Variants in ESRRG observed in about 807,000 individuals in gnomAD.
The protein encoded by ESRRG is estrogen related receptor gamma.
ESRRG carries 13 observed loss-of-function variants against 44.0 expected under a neutral mutation model. The observed-to-expected ratio is 0.30, with a 90% CI of 0.19 to 0.47. ESRRG has a LOEUF of 0.47. Ranked by LOEUF, ESRRG falls within the 20% of genes least tolerant of loss-of-function variation. The pLI is 1.00. For synonymous variants in ESRRG, 215 were observed against 214.6 expected, an observed-to-expected ratio of 1.00 and a Z score of -0.02; for missense variants, 395 against 580.6, an observed-to-expected ratio of 0.68 and a Z score of 3.29.
At chr1:217,098,464 G>A (rs561541174) in intron 1 of ESRRG, among the ~76,000 whole-genome samples, 3 of 152,158 alleles carry the variant, frequency 2.0e-5, no homozygotes, top group African/African-American at 4.8e-5. Flanking sequence ...GGGACAAAGT[G>A]GCACATTCCA....
At chr1:216,741,429 C>A (rs797019575) in intron 2 of ESRRG, among the ~76,000 whole-genome samples, 2 of 150,294 alleles carry the variant, frequency 1.3e-5, no homozygotes, top group East Asian at 1.9e-4. Context: ...CACTCCCCCC[C>A]GCCCCTGCAC....
intron 1 of ESRRG, among the ~76,000 whole-genome samples, chr1:217,018,776 C>A (rs1051776089): frequency 6.6e-6 from 1 of 152,110 alleles, no homozygotes; most frequent in Non-Finnish European, 1.5e-5. Context: ...TGAAGTCCAC[C>A]CTGTCCTTTC....
chr1:216,553,300 G>T (rs1228545463), intron 5 of ESRRG, among the ~76,000 whole-genome samples: 1 of 152,140 alleles, frequency 6.6e-6, no homozygotes, highest in Non-Finnish European at 1.5e-5. Flanking sequence ...AAGCAGGTGT[G>T]AAGCCTCCCT....
At chr1:216,634,861 G>C (rs2064979443) in intron 3 of ESRRG, among the ~76,000 whole-genome samples, 1 of 152,146 alleles carries the variant, frequency 6.6e-6, no homozygotes, top group Non-Finnish European at 1.5e-5. Context: ...TATACATACA[G>C]AAAAAGAACA....
chr1:216,833,309 G>T (rs930006173), intron 2 of ESRRG, among the ~76,000 whole-genome samples: 3 of 152,170 alleles, frequency 2.0e-5, no homozygotes, highest in Non-Finnish European at 4.4e-5. Context: ...TAGAAATAAC[G>T]TGTAAGGTGA....
chr1:217,007,358 T>C (rs1420616093), intron 1 of ESRRG, among the ~76,000 whole-genome samples: 3 of 149,054 alleles, frequency 2.0e-5, no homozygotes, highest in Non-Finnish European at 4.4e-5. Context: ...TATTGCTAAC[T>C]CAACAATTTT....
intron 1 of ESRRG, among the ~76,000 whole-genome samples, chr1:217,063,294 C>T (rs2088940527): frequency 1.3e-5 from 2 of 152,224 alleles, no homozygotes; most frequent in Admixed American, 6.5e-5. Context: ...CTATCTCCTA[C>T]TGTGAAGTAA....
At chr1:216,792,472 C>T (rs1386250388) in intron 2 of ESRRG, among the ~76,000 whole-genome samples, 3 of 152,082 alleles carry the variant, frequency 2.0e-5, no homozygotes, top group South Asian at 4.1e-4. Context: ...TCAACGATTG[C>T]TTCAAAAACA....
intron 1 of ESRRG, among the ~76,000 whole-genome samples, chr1:216,695,136 G>A (rs1394631649): frequency 1.3e-5 from 2 of 152,022 alleles, no homozygotes; most frequent in Non-Finnish European, 2.9e-5. Context: ...TGCACTCCTA[G>A]TATTCTACAA....
intron 5 of ESRRG, among the ~76,000 whole-genome samples, chr1:216,538,873 A>G (rs2149237292): frequency 6.6e-6 from 1 of 152,212 alleles, no homozygotes; most frequent in African/African-American, 2.4e-5. Flanking sequence ...AAATGATTTT[A>G]GAAGTTATCT....
intron 5 of ESRRG, among the ~76,000 whole-genome samples, chr1:216,532,072 G>T (rs2049533614): frequency 6.6e-6 from 1 of 151,938 alleles, no homozygotes; most frequent in Non-Finnish European, 1.5e-5. Flanking sequence ...CATTACCTCT[G>T]GAGGCAGAGA....
chr1:216,996,688 CT>C (rs757463388), intron 1 of ESRRG, among the ~76,000 whole-genome samples: 25 of 152,166 alleles, frequency 1.6e-4, no homozygotes, highest in Admixed American at 6.5e-4. Context: ...GAGTCCTCCC[CT>C]AATCCTGTCA....
intron 1 of ESRRG, among the ~76,000 whole-genome samples, chr1:217,032,126 T>A (rs571135514): frequency 6.6e-6 from 1 of 152,320 alleles, no homozygotes; most frequent in African/African-American, 2.4e-5. Context: ...TGGTACTATG[T>A]TATATAAAGA....
chr1:216,548,455 G>T lies in ESRRG; in HGVS notation c.862+15764C>A, dbSNP rs2055240090. Among the ~76,000 whole-genome samples the T allele has an allele frequency of 1.3e-5, 2 of 152,154 alleles. 1 individual carries two copies. Among genetic ancestry groups the T allele is most frequent in the African/African-American group, 4.8e-5 (2 of 41,530 alleles). ...TCGATGAATGATGTCCTTCAGTTCT[G>T]CTAACAGATGAGGCAGAGGTCTTGA... On this transcript the variant is annotated intron_variant, in intron 5 of 6. Coordinates refer to ENST00000408911, the MANE Select transcript of ESRRG (RefSeq NM_001438.4).
At chr1:216,654,383 T>C (rs566329254) in intron 2 of ESRRG, among the ~76,000 whole-genome samples, 5 of 152,000 alleles carry the variant, frequency 3.3e-5, no homozygotes, top group Non-Finnish European at 2.9e-5. Context: ...TCCAGCACTT[T>C]GGGAGGCCAA....
At chr1:217,054,920 C>G (rs1282787954) in intron 1 of ESRRG, among the ~76,000 whole-genome samples, 2 of 152,124 alleles carry the variant, frequency 1.3e-5, no homozygotes, top group Admixed American at 6.6e-5. Context: ...TCACTGCAGA[C>G]TCTGGTTGTG....
intron 2 of ESRRG, among the ~76,000 whole-genome samples, chr1:216,788,881 A>G (rs1300139102): frequency 2.0e-5 from 3 of 152,144 alleles, no homozygotes; most frequent in Non-Finnish European, 4.4e-5. Flanking sequence ...TCAAGACTTC[A>G]GTGGAGGGAG....
intron 1 of ESRRG, among the ~76,000 whole-genome samples, chr1:217,053,377 C>A (rs1039849259): frequency 4.0e-5 from 6 of 151,862 alleles, no homozygotes; most frequent in Admixed American, 3.3e-4. Flanking sequence ...ATCGCTTGAA[C>A]CTAGGAGATA....
intron 3 of ESRRG, among the ~76,000 whole-genome samples, chr1:216,570,650 G>A (rs760919221): frequency 2.6e-5 from 4 of 151,972 alleles, no homozygotes; most frequent in Admixed American, 6.6e-5. Flanking sequence ...ATATCCTCAC[G>A]TTTGTCATCC....
Sources: allele counts gnomAD v4.1 joint callset (sites outside exome capture counted in the v4.1 genomes callset), GRCh38; gene constraint gnomAD v4.1.1; transcripts MANE v1.5; gene names NCBI Gene and HGNC (gene_info 2026-07-23, HGNC 2026-07-21).